Variants in SLC4A7 observed in about 807,000 individuals in gnomAD.
SLC4A7 encodes solute carrier family 4 member 7, also known as sodium bicarbonate cotransporter 3.
SLC4A7 carries 51 observed loss-of-function variants against 137.6 expected under a neutral mutation model. The ratio of observed to expected loss-of-function variants is 0.37; its 90% confidence interval spans 0.30 to 0.47. SLC4A7 has a LOEUF of 0.47. Ranked by LOEUF, SLC4A7 falls within the 20% of genes least tolerant of loss-of-function variation. SLC4A7 has a pLI of 1.00. For synonymous variants in SLC4A7, 542 were observed against 518.6 expected (o/e 1.05, Z -0.61); for missense variants, 1,247 against 1,525.4 (o/e 0.82, Z 3.04).
At chr3:27,377,097 G>C (rs1023269288) in intron 25 of SLC4A7, among the ~76,000 whole-genome samples, 93 of 151,620 alleles carry the variant, frequency 6.1e-4, no homozygotes, top group African/African-American at 2.1e-3. Flanking sequence ...CAACTAAAGA[G>C]GGGGTCCTTA....
At chr3:27,474,319 T>A (rs2059378215) in intron 1 of SLC4A7, among the ~76,000 whole-genome samples, 1 of 152,170 alleles carries the variant, frequency 6.6e-6, no homozygotes, top group South Asian at 2.1e-4. Context: ...GATAAGAAAT[T>A]CAATGATAAA....
intron 3 of SLC4A7, among the ~76,000 whole-genome samples, chr3:27,448,382 T>C (rs933352677): frequency 6.6e-6 from 1 of 152,010 alleles, no homozygotes; most frequent in African/African-American, 2.4e-5. Flanking sequence ...ACTTTTACAA[T>C]TTCAAGGATG....
intron 13 of SLC4A7, among the ~76,000 whole-genome samples, chr3:27,405,472 A>G (rs1165788185): frequency 6.6e-6 from 1 of 152,194 alleles, no homozygotes; most frequent in Non-Finnish European, 1.5e-5. Context: ...AACTTTATCT[A>G]TATATGTTTT....
intron 7 of SLC4A7, among the ~76,000 whole-genome samples, chr3:27,426,943 A>C (rs2055695531): frequency 6.6e-6 from 1 of 152,250 alleles, no homozygotes; most frequent in South Asian, 2.1e-4. Flanking sequence ...CTTTGCTTTA[A>C]GGAAAAAAAT....
In SLC4A7 at chr3:27,431,651, G is replaced by C; in HGVS notation, c.797C>G (p.Ser266Cys). Residue 266 changes from serine to cysteine, a missense_variant, in exon 7 of 26, where the codon TCC becomes TGC. Physicochemically the swap from Ser to Cys is moderately radical, Grantham distance 112. Transcript: ENST00000454389. ...CAGACCTGTTCGCAAAGAGTGGCGGGAGGCTGAAAGGCCTTCCCCTGAGAT... is the reference window on the plus strand; with the variant it reads ...CAGACCTGTTCGCAAAGAGTGGCGGCAGGCTGAAAGGCCTTCCCCTGAGAT... ...LERNGEGLSA[S>C]RHSLRTGLSA... is the part of the protein sequence containing the mutation. 2 of 1,580,402 alleles carry C rather than the reference G, an allele frequency of 1.3e-6. No individual in the cohort carries two copies. Among genetic ancestry groups the C allele is most frequent in the African/African-American group, 2.7e-5 (2 of 73,838 alleles).
intron 22 of SLC4A7, among the ~76,000 whole-genome samples, chr3:27,386,857 A>G (rs1175950838): frequency 5.6e-5 from 8 of 143,998 alleles, no homozygotes; most frequent in Admixed American, 5.5e-4. Context: ...TAAATACTGA[A>G]TTCAATTTTG....
At position 27,390,152 on chromosome 3, in the gene SLC4A7, C is replaced by T. The variant is rs562861094; in HGVS notation, c.3187-48G>A. ...AGAAGTTTTCAATAAAATATTTCTGCTATTTAGGAGAAGAATCTATACTCA... is the reference window on the plus strand; with the variant it reads ...AGAAGTTTTCAATAAAATATTTCTGTTATTTAGGAGAAGAATCTATACTCA... On this transcript the variant is annotated intron_variant, in intron 21 of 25. Coordinates refer to ENST00000454389, the MANE Select transcript of SLC4A7 (RefSeq NM_001321103.2). The T allele has an allele frequency of 3.0e-5, 35 of 1,155,110 alleles. 1 individual carries two copies. In the South Asian group the frequency reaches 3.8e-4, roughly 12 times the overall value. The allele number at this position is 1,155,110 out of a possible 1,614,324, so 71.6% of individuals were successfully genotyped here. A position where few individuals can be genotyped will look rare whatever the true frequency, so the allele number is the denominator to read the frequency against.
In SLC4A7 at chr3:27,394,740, G is replaced by A. The variant is rs113508840; in HGVS notation, c.2895C>T (p.Leu965=). ...AAACTCCCAACATAACGCCAACCAT[G>A]AGCAAATCAAGGTGATAGCCAGCTC... ...KKGAGYHLDL[L]MVGVMLGVCS... is the part of the protein sequence containing the mutation. The change falls in exon 20 of 26, where the codon CTC becomes CTT. Residue 965 remains leucine, a synonymous_variant. Coordinates refer to ENST00000454389, the MANE Select transcript of SLC4A7 (RefSeq NM_001321103.2). 4 of 1,614,006 alleles carry A rather than the reference G, an allele frequency of 2.5e-6. No homozygotes were observed. The highest frequency in any genetic ancestry group is 1.6e-4 in the Middle Eastern group (1 of 6,082).
At chr3:27,470,949 T>A (rs1293459227) in intron 1 of SLC4A7, among the ~76,000 whole-genome samples, 1 of 151,620 alleles carries the variant, frequency 6.6e-6, no homozygotes, top group African/African-American at 2.4e-5. Flanking sequence ...TCACAAAAAA[T>A]AAAATAAAAT....
chr3:27,476,075 GT>G (rs2059449325), intron 1 of SLC4A7, among the ~76,000 whole-genome samples: 1 of 152,132 alleles, frequency 6.6e-6, no homozygotes, highest in African/African-American at 2.4e-5. Flanking sequence ...GTCATTGGTG[GT>G]TTTATAATCA....
At chr3:27,385,817 T>C in intron 23 of SLC4A7, 75 bp downstream of exon 23, 1 of 995,840 alleles carries the variant, frequency 1.0e-6, no homozygotes. Flanking sequence ...GTAAAGTGAT[T>C]ATAATGGTGC....
chr3:27,413,404 C>A (rs2054093752), intron 11 of SLC4A7, among the ~76,000 whole-genome samples: 1 of 152,078 alleles, frequency 6.6e-6, no homozygotes, highest in Admixed American at 6.6e-5. Flanking sequence ...TGAAAACTTA[C>A]AAACTTGTTT....
intron 21 of SLC4A7, 110 bp from the exon 22 acceptor site, chr3:27,390,214 G>A: frequency 4.8e-6 from 2 of 420,790 alleles, no homozygotes; most frequent in Non-Finnish European, 8.4e-6. Flanking sequence ...TAACTTCCTT[G>A]ACATTTTCTG....
chr3:27,391,716 A>C, intron 21 of SLC4A7, 24 bp downstream of exon 21: 1 of 1,312,002 alleles, frequency 7.6e-7, no homozygotes, highest in East Asian at 2.3e-5. Context: ...TTCTATAGAA[A>C]ATCATTAAAT....
At chr3:27,476,759 G>GCCAT (rs1369270949) in intron 1 of SLC4A7, among the ~76,000 whole-genome samples, 2 of 152,178 alleles carry the variant, frequency 1.3e-5, no homozygotes, top group East Asian at 3.9e-4. Flanking sequence ...AGTCCTCCTA[G>GCCAT]CCATGCTTCT....
intron 1 of SLC4A7, among the ~76,000 whole-genome samples, chr3:27,483,187 G>C (rs1402416543): frequency 6.6e-6 from 1 of 152,324 alleles, no homozygotes; most frequent in Middle Eastern, 3.4e-3. Flanking sequence ...AGACAACTGC[G>C]GGGACGCATG....
At position 27,458,719 on chromosome 3, in the gene SLC4A7, G is replaced by C. The variant is rs182960450; in HGVS notation, c.61-6221C>G. Among the ~76,000 whole-genome samples the C allele has an allele frequency of 1.5e-4, 23 of 152,282 alleles. 1 individual carries two copies. Among genetic ancestry groups the C allele is most frequent in the Middle Eastern group, 3.4e-3 (1 of 294 alleles). Reference sequence around the variant, plus strand: ...TAAAAACCAATTTCTGGCTGGGCAAGGTGGCTCATGCCAGTAATCCTAGGA... The same window carrying C: ...TAAAAACCAATTTCTGGCTGGGCAACGTGGCTCATGCCAGTAATCCTAGGA... On this transcript the variant is annotated intron_variant, in intron 1 of 25. Transcript: ENST00000454389.
chr3:27,426,264 G>A (rs1237901372), intron 7 of SLC4A7, among the ~76,000 whole-genome samples: 3 of 152,252 alleles, frequency 2.0e-5, no homozygotes, highest in African/African-American at 4.8e-5. Context: ...AAATACAAAC[G>A]ATTTCCCAAG....
chr3:27,461,519 C>A (rs1456921412), intron 1 of SLC4A7, among the ~76,000 whole-genome samples: 1 of 151,358 alleles, frequency 6.6e-6, no homozygotes, highest in African/African-American at 2.4e-5. Flanking sequence ...TGGTGATAAT[C>A]CTACAACTTT....
Sources: allele counts gnomAD v4.1 joint callset (sites outside exome capture counted in the v4.1 genomes callset), GRCh38; gene constraint gnomAD v4.1.1; transcripts MANE v1.5; gene names NCBI Gene and HGNC (gene_info 2026-07-23, HGNC 2026-07-21).